The following RFX3 variants were observed in gnomAD, a reference collection of about 807,000 sequenced individuals.
RFX3 encodes transcription factor RFX3.
Under a neutral mutation model 98.6 loss-of-function variants are expected in RFX3, and 14 were observed. That is an observed-to-expected ratio of 0.14 (90% confidence interval 0.09 to 0.22). RFX3 has a LOEUF of 0.22. Among genes scored for constraint, RFX3 ranks in the 10% least tolerant of loss-of-function variants. The probability of loss-of-function intolerance (pLI) is 1.00; values close to 1 mark genes in which losing one functional copy is unlikely to be tolerated. For synonymous variants in RFX3, 383 were observed against 328.4 expected (o/e 1.17, Z -1.80); for missense variants, 639 against 926.9 (o/e 0.69, Z 4.03).
At chr9:3,383,002 T>G (rs1839350428) in intron 2 of RFX3, among the ~76,000 whole-genome samples, 1 of 152,168 alleles carries the variant, frequency 6.6e-6, no homozygotes, top group South Asian at 2.1e-4. Context: ...TTATCACTTT[T>G]TGAACTTATT....
chr9:3,438,168 T>C (rs1353802567), intron 1 of RFX3, among the ~76,000 whole-genome samples: 1 of 152,114 alleles, frequency 6.6e-6, no homozygotes, highest in African/African-American at 2.4e-5. Flanking sequence ...AAGCCGACAG[T>C]TGATCCTAAA....
At chr9:3,500,769 G>A (rs1230117674) in intron 1 of RFX3, among the ~76,000 whole-genome samples, 4 of 152,114 alleles carry the variant, frequency 2.6e-5, no homozygotes, top group Non-Finnish European at 5.9e-5. Flanking sequence ...AGATTCTACT[G>A]AGGAGTATAC....
chr9:3,329,753 TG>T (rs775562569), intron 4 of RFX3, among the ~76,000 whole-genome samples: 1 of 152,162 alleles, frequency 6.6e-6, no homozygotes, highest in Non-Finnish European at 1.5e-5. Context: ...ATAATACAGG[TG>T]GCATGAGAAA....
intron 1 of RFX3, among the ~76,000 whole-genome samples, chr9:3,481,327 T>C (rs1470821814): frequency 1.3e-5 from 2 of 152,156 alleles, no homozygotes; most frequent in African/African-American, 2.4e-5. Context: ...CTGGCTTTAA[T>C]GCAACGTTGT....
Position 3,330,379 on chromosome 9 carries a change from A to C in RFX3, c.354T>G (p.Ile118Met). Reference sequence around the variant, plus strand: ...GTTGTCCTCCTGTGACGCCCATCTGAATCCCACCAGTGCCCACCATACTGT... The same window carrying C: ...GTTGTCCTCCTGTGACGCCCATCTGCATCCCACCAGTGCCCACCATACTGT... ...SSHSMVGTGG[I>M]QMGVTGGQLI... The change falls in exon 4 of 17, where the codon ATT becomes ATG. Residue 118 changes from isoleucine to methionine, a missense_variant. By Grantham distance (10) the Ile-to-Met change is conservative. Transcript: ENST00000617270. 1 of 1,614,140 alleles carries C rather than the reference A, an allele frequency of 6.2e-7. No individual in the cohort carries two copies. The highest frequency in any genetic ancestry group is 8.5e-7 in the Non-Finnish European group (1 of 1,180,026).
In RFX3 at chr9:3,273,099, G is replaced by A. The variant is rs1402177781; in HGVS notation, c.1087-1981C>T. ...CATTTGTCCACCTACTTTCAAATAT[G>A]TTCAGACTAAAATATATAGGCAAAT... is the stretch of plus-strand genomic sequence containing the variant. On this transcript the variant is annotated intron_variant, in intron 9 of 16. Coordinates refer to ENST00000617270, the MANE Select transcript of RFX3 (RefSeq NM_001282116.2). Among the ~76,000 whole-genome samples, 4 of 152,042 alleles carry A rather than the reference G, an allele frequency of 2.6e-5. No individual in the cohort carries two copies. The East Asian group carries it at 7.7e-4, about 29-fold the overall frequency.
chr9:3,283,349 T>A (rs573708584), intron 7 of RFX3, among the ~76,000 whole-genome samples: 1 of 151,910 alleles, frequency 6.6e-6, no homozygotes, highest in East Asian at 1.9e-4. Context: ...TTCAGATACG[T>A]TATTCCACTT....
intron 4 of RFX3, among the ~76,000 whole-genome samples, chr9:3,308,641 C>T (rs1829609500): frequency 1.3e-5 from 2 of 152,090 alleles, no homozygotes; most frequent in South Asian, 4.2e-4. Context: ...CGACAAAGTG[C>T]TATGGAACAT....
chr9:3,324,684 A>G (rs1311722412), intron 4 of RFX3, among the ~76,000 whole-genome samples: 1 of 151,794 alleles, frequency 6.6e-6, no homozygotes. Context: ...ACTTGGTGGC[A>G]GGGAGTGGTG....
chr9:3,483,590 CAGACACATTGATACCTAAGATACTTAT>C (rs1849997269), intron 1 of RFX3, among the ~76,000 whole-genome samples: 1 of 152,134 alleles, frequency 6.6e-6, no homozygotes, highest in African/African-American at 2.4e-5. Context: ...ACTCTATAAT[CAGACACATTGATACCTAAGATACTTAT>C]AAAAGCACAA....
intron 1 of RFX3, among the ~76,000 whole-genome samples, chr9:3,504,476 T>C (rs13291934): frequency 0.034 from 2,827 of 83,970 alleles, 280 homozygotes; most frequent in African/African-American, 0.045. Flanking sequence ...GTATATATTG[T>C]ATATAAAATA....
chr9:3,407,266 G>A (rs1428274694), intron 1 of RFX3, among the ~76,000 whole-genome samples: 1 of 152,006 alleles, frequency 6.6e-6, no homozygotes, highest in Non-Finnish European at 1.5e-5. Context: ...CCAAAAAAAG[G>A]TATTCTAAGA....
chr9:3,493,058 G>A (rs1028041068), intron 1 of RFX3, among the ~76,000 whole-genome samples: 2 of 152,052 alleles, frequency 1.3e-5, no homozygotes, highest in Non-Finnish European at 2.9e-5. Context: ...CATAAATGTT[G>A]TATTGATAAT....
Position 3,277,378 on chromosome 9 carries a change from G to A in RFX3, c.935C>T (p.Thr312Ile), listed in dbSNP as rs1376273892. 1 of 1,612,708 alleles carries A rather than the reference G, an allele frequency of 6.2e-7. No individual in the cohort carries two copies. The highest frequency in any genetic ancestry group is 8.5e-7 in the Non-Finnish European group (1 of 1,179,028). The change falls in exon 8 of 17, where the codon ACT becomes ATT. Residue 312 changes from threonine (T) to isoleucine (I), a missense_variant. Coordinates refer to ENST00000617270, the MANE Select transcript of RFX3 (RefSeq NM_001282116.2). ...GQQTGTSVEQ[T>I]VIAQSQHHQQ... ...ATGATGTTGGCTTTGGGCAATTACA[G>A]TTTGCTCAACAGATGTGCCTGTCTG...
At chr9:3,353,049 G>T (rs1030782934) in intron 2 of RFX3, among the ~76,000 whole-genome samples, 1 of 152,000 alleles carries the variant, frequency 6.6e-6, no homozygotes, top group Non-Finnish European at 1.5e-5. Context: ...CCTTTGTAGG[G>T]ACATGGATGA....
chr9:3,447,209 A>T (rs559339952), intron 1 of RFX3, among the ~76,000 whole-genome samples: 1 of 152,174 alleles, frequency 6.6e-6, no homozygotes, highest in Non-Finnish European at 1.5e-5. Flanking sequence ...AAGAATTAAA[A>T]TGTCTTTTAA....
intron 1 of RFX3, among the ~76,000 whole-genome samples, chr9:3,430,507 T>C (rs760670462): frequency 6.6e-6 from 1 of 152,218 alleles, no homozygotes; most frequent in Non-Finnish European, 1.5e-5. Context: ...TCAAAGGCAC[T>C]TGGTAAAATT....
chr9:3,283,878 T>C (rs768520859), intron 7 of RFX3, among the ~76,000 whole-genome samples: 1 of 151,722 alleles, frequency 6.6e-6, no homozygotes, highest in Non-Finnish European at 1.5e-5. Flanking sequence ...GTTTGGGTTA[T>C]CTTACCTCTT....
intron 14 of RFX3, among the ~76,000 whole-genome samples, chr9:3,256,374 G>A (rs1822152484): frequency 6.7e-6 from 1 of 149,222 alleles, no homozygotes. Flanking sequence ...CTGATGTGCA[G>A]CCAGGTTTGA....
Sources: allele counts gnomAD v4.1 joint callset (sites outside exome capture counted in the v4.1 genomes callset), GRCh38; gene constraint gnomAD v4.1.1; transcripts MANE v1.5; gene names NCBI Gene and HGNC (gene_info 2026-07-23, HGNC 2026-07-21).